ZNF184: variants seen among roughly 807,000 people sequenced by gnomAD.
ZNF184 encodes the protein zinc finger protein 184 (Kruppel-like).
ZNF184 carries 16 observed loss-of-function variants against 54.4 expected under a neutral mutation model. The observed-to-expected ratio is 0.29, with a 90% CI of 0.20 to 0.45. The LOEUF is 0.45. Ranked by LOEUF, ZNF184 falls within the 20% of genes least tolerant of loss-of-function variation. The probability of loss-of-function intolerance (pLI) is 1.00; values close to 1 mark genes in which losing one functional copy is unlikely to be tolerated. For missense variants in ZNF184, 681 were observed against 888.2 expected (o/e 0.77, Z 2.97); for synonymous variants, 254 against 295.3 (o/e 0.86, Z 1.43).
chr6:27,405,058 T>A, the ZNF184 span: 1 of 152,070 alleles, frequency 6.6e-6, no homozygotes, highest in African/African-American at 2.4e-5. Context: ...AGGAAAGTAC[T>A]ATATCACTGG....
At chr6:27,433,444 G>A in the ZNF184 span, among the ~76,000 whole-genome samples, 2 of 152,140 alleles carry the variant, frequency 1.3e-5, no homozygotes, top group Non-Finnish European at 2.9e-5. Flanking sequence ...AATCACCACT[G>A]TTCATCATTC....
In ZNF184 at chr6:27,461,279, C is replaced by A. The variant is rs145888812; in HGVS notation, c.76-3870G>T. On this transcript the variant is annotated intron_variant, in intron 3 of 5. Transcript: ENST00000683788. ...GTATAATCATCACAGAGGGAGGACT[C>A]AGAAGCCTGTACCTGATTTCTCTGG... Among the ~76,000 whole-genome samples the A allele has an allele frequency of 5.3e-4, 81 of 152,272 alleles. No individual in the cohort carries two copies. The East Asian group carries it at 0.014, about 26-fold the overall frequency.
downstream of ZNF184, among the ~76,000 whole-genome samples, chr6:27,446,702 C>G (rs538871421): frequency 2.0e-5 from 3 of 152,188 alleles, no homozygotes; most frequent in Admixed American, 6.5e-5. Flanking sequence ...GCAACACCAG[C>G]CTGGGAGAAC....
the ZNF184 span, among the ~76,000 whole-genome samples, chr6:27,428,760 C>T: frequency 6.6e-6 from 1 of 152,260 alleles, no homozygotes; most frequent in Admixed American, 6.5e-5. This position sits in a 1 kb window ranked among gnomAD's most constrained non-coding sequence, Gnocchi z 4.1. Flanking sequence ...ACTAGTGATA[C>T]GATATTACAT....
intron 3 of ZNF184, among the ~76,000 whole-genome samples, chr6:27,458,550 T>A: frequency 6.7e-6 from 1 of 149,898 alleles, no homozygotes; most frequent in African/African-American, 2.5e-5. Flanking sequence ...AAAACCATAA[T>A]AAGATATCAT....
At chr6:27,467,077 T>G (rs1248648268) in intron 3 of ZNF184, among the ~76,000 whole-genome samples, 1 of 152,192 alleles carries the variant, frequency 6.6e-6, no homozygotes, top group Non-Finnish European at 1.5e-5. Flanking sequence ...TATAATCTTC[T>G]CTATACCTAG....
the ZNF184 span, among the ~76,000 whole-genome samples, chr6:27,427,185 G>T: frequency 3.9e-3 from 568 of 146,740 alleles, 2 homozygotes; most frequent in Admixed American, 5.3e-3. Context: ...CTTTACCAAA[G>T]CTCTGGAAGG....
At chr6:27,471,440 CA>C (rs1318670751) in intron 2 of ZNF184, among the ~76,000 whole-genome samples, 2 of 152,164 alleles carry the variant, frequency 1.3e-5, no homozygotes, top group African/African-American at 4.8e-5. Context: ...GTTTACAGTA[CA>C]TCACTGATAG....
At chr6:27,441,385 T>C in the ZNF184 span, among the ~76,000 whole-genome samples, 90,805 of 151,800 alleles carry the variant, frequency 0.6, 27,435 homozygotes, top group Middle Eastern at 0.75. Flanking sequence ...GGCTAATTAT[T>C]TGTAATTTTT....
chr6:27,424,813 G>A, the ZNF184 span, among the ~76,000 whole-genome samples: 2 of 151,928 alleles, frequency 1.3e-5, no homozygotes, highest in Non-Finnish European at 3.0e-5. Context: ...TGCCAGTCCC[G>A]CGCAGTGCGC....
the ZNF184 span, among the ~76,000 whole-genome samples, chr6:27,422,149 AAAGAAAGAAAG>A: frequency 6.0e-5 from 1 of 16,804 alleles, no homozygotes; most frequent in Non-Finnish European, 1.4e-4. Flanking sequence ...TCAAAAAAAA[AAAGAAAGAAAG>A]AAAGAAAGAA....
the ZNF184 span, among the ~76,000 whole-genome samples, chr6:27,417,681 CGATTCT>C: frequency 1.6e-3 from 236 of 152,180 alleles, no homozygotes; most frequent in Non-Finnish European, 2.1e-3. Flanking sequence ...TGCTTGAGGC[CGATTCT>C]GATTCTGAGA....
chr6:27,461,392 C>A (rs1762992445), intron 3 of ZNF184, among the ~76,000 whole-genome samples: 1 of 152,098 alleles, frequency 6.6e-6, no homozygotes. Context: ...GCTACTGAGT[C>A]ATATGAATCA....
the ZNF184 span, among the ~76,000 whole-genome samples, chr6:27,407,519 T>C: frequency 1.9e-4 from 29 of 152,222 alleles, no homozygotes; most frequent in Non-Finnish European, 4.0e-4. Flanking sequence ...ACAAGAGCCA[T>C]GTCAAGCTAA....
At chr6:27,409,515 A>AAAAAC in the ZNF184 span, among the ~76,000 whole-genome samples, 140 of 149,832 alleles carry the variant, frequency 9.3e-4, 1 homozygote, top group African/African-American at 3.3e-3. Context: ...AAAAAAAAAA[A>AAAAAC]AAAAAACACA....
the ZNF184 span, among the ~76,000 whole-genome samples, chr6:27,445,441 T>C: frequency 3.0e-4 from 45 of 152,022 alleles, no homozygotes; most frequent in African/African-American, 1.0e-3. Flanking sequence ...GATGGGACCT[T>C]TACCAGGGTG....
At chr6:27,409,270 C>T in the ZNF184 span, among the ~76,000 whole-genome samples, 4 of 151,970 alleles carry the variant, frequency 2.6e-5, no homozygotes, top group South Asian at 4.1e-4. Context: ...GAGGCCGAGG[C>T]GGGCGGATCA....
intron 2 of ZNF184, among the ~76,000 whole-genome samples, chr6:27,468,508 G>A (rs1035817509): frequency 3.9e-5 from 6 of 152,098 alleles, no homozygotes; most frequent in African/African-American, 1.4e-4. Flanking sequence ...CTATGACTCA[G>A]CAATTCCACT....
At chr6:27,404,733 A>G in the ZNF184 span, 6 of 152,230 alleles carry the variant, frequency 3.9e-5, no homozygotes, top group African/African-American at 1.2e-4. Context: ...TATAGCACTA[A>G]AGGCCTAGTG....
Sources: gnomAD v4.1 joint callset for allele counts (sites outside exome capture counted in the v4.1 genomes callset) on GRCh38, gnomAD v4.1.1 for gene constraint, Gnocchi (gnomAD v3.1) non-coding constraint, MANE v1.5 for transcripts, NCBI Gene and HGNC (gene_info 2026-07-23, HGNC 2026-07-21) for gene names.